The following RPS18 variants were observed in gnomAD, a reference collection of about 807,000 sequenced individuals.
RPS18 encodes the protein small ribosomal subunit protein uS13.
For missense variants in RPS18, 49 were observed against 200.8 expected, an observed-to-expected ratio of 0.24 and a Z score of 4.57; for synonymous variants, 64 against 70.9, an observed-to-expected ratio of 0.90 and a Z score of 0.49.
chr6:33,275,103 A>C (rs7771360), intron 2 of RPS18, among the ~76,000 whole-genome samples: 5,933 of 152,248 alleles, frequency 0.039, 189 homozygotes, highest in African/African-American at 0.086. Flanking sequence ...CTGACAGCCC[A>C]ATACCTTAAT....
intron 2 of RPS18, among the ~76,000 whole-genome samples, chr6:33,274,829 T>C (rs1376899985): frequency 6.6e-6 from 1 of 152,228 alleles, no homozygotes; most frequent in Non-Finnish European, 1.5e-5. Flanking sequence ...TCTGATGTTC[T>C]AGTTGGACAA....
At chr6:33,273,933 AACCTAATAATTT>A (rs1765461322) in intron 2 of RPS18, among the ~76,000 whole-genome samples, 2 of 152,048 alleles carry the variant, frequency 1.3e-5, no homozygotes, top group East Asian at 3.8e-4. Context: ...CTTCTGAATC[AACCTAATAATTT>A]GACCCTTGGT....
chr6:33,275,515 A>G, intron 2 of RPS18: 1 of 429,982 alleles, frequency 2.3e-6, no homozygotes, highest in Non-Finnish European at 4.2e-6. Context: ...ACAGGGTTTC[A>G]CCATGTTGGC....
chr6:33,272,451 T>C, intron 1 of RPS18, 177 bp from the exon 2 acceptor site: 1 of 644,136 alleles, frequency 1.6e-6, no homozygotes, highest in South Asian at 1.8e-5. Flanking sequence ...TTCATGTGCC[T>C]ACTCTGCAGG....
intron 2 of RPS18, among the ~76,000 whole-genome samples, chr6:33,273,249 C>T (rs1485441024): frequency 1.3e-5 from 2 of 152,146 alleles, no homozygotes. Flanking sequence ...CCTTTCCTGT[C>T]GAAGTGTGAA....
intron 1 of RPS18, 176 bp from the exon 2 acceptor site, chr6:33,272,452 A>C (rs765210741): frequency 3.1e-6 from 2 of 644,456 alleles, no homozygotes; most frequent in Non-Finnish European, 5.6e-6. Flanking sequence ...TCATGTGCCT[A>C]CTCTGCAGGA....
Position 33,275,791 on chromosome 6 carries a change from A to C in RPS18, c.103-6A>C, listed in dbSNP as rs760321855. 2 of 1,593,264 alleles carry C rather than the reference A, an allele frequency of 1.3e-6. No homozygotes were observed. Among genetic ancestry groups the C allele is most frequent in the Non-Finnish European group, 1.7e-6 (2 of 1,162,308 alleles). On this transcript the variant is annotated splice_region_variant and splice_polypyrimidine_tract_variant and intron_variant, in intron 2 of 5. Coordinates refer to ENST00000439602, the MANE Select transcript of RPS18 (RefSeq NM_022551.3). The stretch of plus-strand genomic sequence containing the variant: ...CACTAATTCCGAAACCCCTCACTTC[A>C]TTCAGGGTGTGGGCCGAAGATATGC...
chr6:33,275,093 C>T (rs1282297224), intron 2 of RPS18, among the ~76,000 whole-genome samples: 16 of 152,146 alleles, frequency 1.1e-4, no homozygotes, highest in Non-Finnish European at 2.4e-4. Flanking sequence ...TTCTGAGGAA[C>T]TGACAGCCCA....
Position 33,276,483 on chromosome 6 carries a change from T to G in RPS18, c.*17T>G, listed in dbSNP as rs1418663803. The G allele has an allele frequency of 3.2e-6, 5 of 1,566,362 alleles. No individual in the cohort carries two copies. Among genetic ancestry groups the G allele is most frequent in the Non-Finnish European group, 3.5e-6 (4 of 1,143,076 alleles). ...AAGAAATAAGTCTGTAGGCCTTGTC[T>G]GTTAATAAATAGTTTATATACCTAT... On this transcript the variant is annotated 3_prime_UTR_variant, in exon 6 of 6. Transcript: ENST00000439602.
At chr6:33,276,323 C>CTCT in intron 5 of RPS18, 56 bp downstream of exon 5, 1 of 1,604,968 alleles carries the variant, frequency 6.2e-7, no homozygotes, top group Non-Finnish European at 8.5e-7. Context: ...CTCCTACTCG[C>CTCT]TCTTCTTTTT....
In RPS18 at chr6:33,275,546, G is replaced by T. The variant is rs569458523; in HGVS notation, c.103-251G>T. The T allele has an allele frequency of 5.7e-6, 3 of 523,450 alleles. No individual in the cohort carries two copies. The African/African-American group carries it at 5.7e-5, about 10-fold the overall frequency. 32.4% of individuals were successfully genotyped at this position (523,450 alleles called of 1,614,324 possible). A position where few individuals can be genotyped will look rare whatever the true frequency, so the allele number is the denominator to read the frequency against. On this transcript the variant is annotated intron_variant, in intron 2 of 5. Transcript: ENST00000439602. Reference sequence around the variant, plus strand: ...TTGGCCAGGCTGGTTTTGAACTCCTGCCCTCAATGTCATCTGCCCACTTGG... The same window carrying T: ...TTGGCCAGGCTGGTTTTGAACTCCTTCCCTCAATGTCATCTGCCCACTTGG...
At chr6:33,273,141 T>C (rs1186212705) in intron 2 of RPS18, among the ~76,000 whole-genome samples, 1 of 152,128 alleles carries the variant, frequency 6.6e-6, no homozygotes, top group Non-Finnish European at 1.5e-5. Flanking sequence ...GAGGGATAAG[T>C]AGAAATACCA....
intron 2 of RPS18, among the ~76,000 whole-genome samples, chr6:33,273,026 G>T (rs1765344914): frequency 6.6e-6 from 1 of 152,236 alleles, no homozygotes; most frequent in African/African-American, 2.4e-5. Context: ...ACGAGCTTGT[G>T]AGATTTCTTC....
intron 2 of RPS18, among the ~76,000 whole-genome samples, chr6:33,273,469 T>G (rs561431927): frequency 1.3e-4 from 20 of 152,120 alleles, no homozygotes; most frequent in African/African-American, 3.1e-4. Context: ...TAGGCCTGTC[T>G]TCTTGGCTTC....
rs1390727941 is a variant in RPS18 at position 33,275,848 on chromosome 6, C to G, written c.154C>G (p.Leu52Val). 2 of 1,613,200 alleles carry G rather than the reference C, an allele frequency of 1.2e-6. No individual in the cohort carries two copies. The highest frequency in any genetic ancestry group is 1.7e-6 in the Non-Finnish European group (2 of 1,179,574). ...GGTGTTGAGGAAAGCAGACATTGAC[C>G]TCACCAAGAGGGCGGGAGAACTCAC... is the stretch of plus-strand genomic sequence containing the variant. ...HVVLRKADID[L>V]TKRAGELTED... The change falls in exon 3 of 6, where the codon CTC becomes GTC. Residue 52 changes from leucine (L) to valine (V), a missense_variant. Leu to Val is a conservative substitution (Grantham distance 32). Transcript: ENST00000439602.
At position 33,275,782 on chromosome 6, in the gene RPS18, C is replaced by G. The variant is rs199680581; in HGVS notation, c.103-15C>G. Reference sequence around the variant, plus strand: ...CAGATTCAACACTAATTCCGAAACCCCTCACTTCATTCAGGGTGTGGGCCG... The same window carrying G: ...CAGATTCAACACTAATTCCGAAACCGCTCACTTCATTCAGGGTGTGGGCCG... On this transcript the variant is annotated splice_polypyrimidine_tract_variant and intron_variant, in intron 2 of 5. Coordinates refer to ENST00000439602, the MANE Select transcript of RPS18 (RefSeq NM_022551.3). 28 of 1,562,792 alleles carry G rather than the reference C, an allele frequency of 1.8e-5. No homozygotes were observed. The African/African-American group carries it at 3.5e-4, about 20-fold the overall frequency.
intron 2 of RPS18, 42 bp downstream of exon 2, chr6:33,272,768 T>C: frequency 9.9e-7 from 1 of 1,008,384 alleles, no homozygotes; most frequent in Non-Finnish European, 1.6e-6. Flanking sequence ...TAAATGAGAA[T>C]TGGGTTGTGA....
intron 2 of RPS18, among the ~76,000 whole-genome samples, chr6:33,274,680 A>G (rs1016376127): frequency 4.6e-5 from 7 of 152,214 alleles, no homozygotes; most frequent in African/African-American, 1.7e-4. Flanking sequence ...GCATTACTCC[A>G]ATCTGTTGCT....
At position 33,274,585 on chromosome 6, in the gene RPS18, G is replaced by A. The variant is rs575779994; in HGVS notation, c.103-1212G>A. 5.3e-5 allele frequency among the ~76,000 whole-genome samples: 8 copies of A among 152,280 alleles called. No individual in the cohort carries two copies. The East Asian group carries it at 1.3e-3, about 26-fold the overall frequency. ...AACTAAGCAGAAAATTACTCTTGGC[G>A]CTGGAGGCACTTAAGAATCCTACCT... is the stretch of plus-strand genomic sequence containing the variant. On this transcript the variant is annotated intron_variant, in intron 2 of 5. Transcript: ENST00000439602.
Sources: allele counts gnomAD v4.1 joint callset (sites outside exome capture counted in the v4.1 genomes callset), GRCh38; gene constraint gnomAD v4.1.1; transcripts MANE v1.5; gene names NCBI Gene and HGNC (gene_info 2026-07-23, HGNC 2026-07-21).